The following KCND2 variants were observed in gnomAD, a reference collection of about 807,000 sequenced individuals.
KCND2 encodes A-type voltage-gated potassium channel KCND2.
A neutral mutation model predicts 54.4 loss-of-function variants in KCND2; 16 were observed. That is an observed-to-expected ratio of 0.29 (90% CI 0.20 to 0.45). The LOEUF (loss-of-function observed/expected upper bound fraction) is 0.45. Among genes scored for constraint, KCND2 ranks in the 20% least tolerant of loss-of-function variants. The probability of loss-of-function intolerance (pLI) is 1.00; values close to 1 mark genes in which losing one functional copy is unlikely to be tolerated. For synonymous variants in KCND2, 317 were observed against 310.7 expected, an observed-to-expected ratio of 1.02 and a Z score of -0.21; for missense variants, 486 against 824.2, an observed-to-expected ratio of 0.59 and a Z score of 5.02.
chr7:120,720,517 C>T (rs973961843), intron 1 of KCND2, among the ~76,000 whole-genome samples: 1 of 152,126 alleles, frequency 6.6e-6, no homozygotes, highest in Non-Finnish European at 1.5e-5. Context: ...GGCTTGTCAT[C>T]TGGTTTCCTG....
chr7:120,643,211 A>G (rs530828711), intron 1 of KCND2, among the ~76,000 whole-genome samples: 1 of 152,204 alleles, frequency 6.6e-6, no homozygotes, highest in Non-Finnish European at 1.5e-5. Flanking sequence ...GGAACTAAGA[A>G]TATTAACCAT....
At chr7:120,344,576 T>C (rs1800286994) in intron 1 of KCND2, among the ~76,000 whole-genome samples, 1 of 152,176 alleles carries the variant, frequency 6.6e-6, no homozygotes, top group South Asian at 2.1e-4. Flanking sequence ...GGTGCAATAG[T>C]ACCACATTAA....
chr7:120,671,196 T>C (rs114415441), intron 1 of KCND2, among the ~76,000 whole-genome samples: 5,468 of 152,140 alleles, frequency 0.036, 245 homozygotes, highest in African/African-American at 0.11. Flanking sequence ...CCAGCCTTTT[T>C]GTCACCAGGG....
At chr7:120,376,978 AC>A (rs967003863) in intron 1 of KCND2, among the ~76,000 whole-genome samples, 1 of 151,864 alleles carries the variant, frequency 6.6e-6, no homozygotes, top group Non-Finnish European at 1.5e-5. Context: ...TTAATGTTTC[AC>A]CTGAAGTTGA....
intron 1 of KCND2, among the ~76,000 whole-genome samples, chr7:120,281,789 C>T (rs141167840): frequency 4.6e-5 from 7 of 152,266 alleles, no homozygotes; most frequent in East Asian, 1.9e-4. Flanking sequence ...GGCACTTGTA[C>T]GCCATGGAGA....
At chr7:120,339,502 GCTGTGTGTGTGTGTGT>G (rs1563014779) in intron 1 of KCND2, among the ~76,000 whole-genome samples, 2 of 134,186 alleles carry the variant, frequency 1.5e-5, no homozygotes, top group African/African-American at 3.4e-5. Context: ...TCTTTAGAAG[GCTGTGTGTGTGTGTGT>G]GTGTGTGTGT....
chr7:120,684,546 G>A (rs1792177463), intron 1 of KCND2, among the ~76,000 whole-genome samples: 3 of 152,230 alleles, frequency 2.0e-5, no homozygotes, highest in South Asian at 2.1e-4. Flanking sequence ...GACCTTAAGC[G>A]TCTCTAGGTA....
chr7:120,497,545 C>T (rs1204933143), intron 1 of KCND2, among the ~76,000 whole-genome samples: 2 of 152,198 alleles, frequency 1.3e-5, no homozygotes, highest in African/African-American at 4.8e-5. Context: ...GCAAGTATAG[C>T]TCTGCTCCAT....
intron 5 of KCND2, among the ~76,000 whole-genome samples, chr7:120,746,309 T>C (rs1793006310): frequency 6.6e-6 from 1 of 152,158 alleles, no homozygotes; most frequent in Non-Finnish European, 1.5e-5. Context: ...CTTTTCTTAT[T>C]TGGGCAAGGA....
chr7:120,612,726 G>A (rs1792971831), intron 1 of KCND2, among the ~76,000 whole-genome samples: 1 of 152,132 alleles, frequency 6.6e-6, no homozygotes. Context: ...ACTTCTTATT[G>A]TGAACTTAAT....
At chr7:120,416,716 G>T (rs1461087470) in intron 1 of KCND2, among the ~76,000 whole-genome samples, 2 of 147,366 alleles carry the variant, frequency 1.4e-5, no homozygotes, top group African/African-American at 5.1e-5. Flanking sequence ...TGTTTATCAA[G>T]TACTTATCAT....
chr7:120,392,705 C>T (rs2116055865), intron 1 of KCND2, among the ~76,000 whole-genome samples: 1 of 151,978 alleles, frequency 6.6e-6, no homozygotes, highest in East Asian at 1.9e-4. Context: ...TTTTGCTAAT[C>T]CAGAACTGCT....
chr7:120,658,905 C>T (rs1791834949), intron 1 of KCND2, among the ~76,000 whole-genome samples: 1 of 152,218 alleles, frequency 6.6e-6, no homozygotes, highest in African/African-American at 2.4e-5. Flanking sequence ...ACCGGCAGAA[C>T]TGTGTTGAGT....
intron 1 of KCND2, among the ~76,000 whole-genome samples, chr7:120,409,594 G>T (rs770481692): frequency 6.6e-6 from 1 of 151,882 alleles, no homozygotes; most frequent in African/African-American, 2.4e-5. Context: ...TCTAAAGGAC[G>T]TGTAGTGATC....
chr7:120,528,598 A>G (rs1022980037), intron 1 of KCND2, among the ~76,000 whole-genome samples: 1 of 152,136 alleles, frequency 6.6e-6, no homozygotes, highest in South Asian at 2.1e-4. Flanking sequence ...CTTTTAGTAC[A>G]TGGGGCAGAA....
intron 1 of KCND2, among the ~76,000 whole-genome samples, chr7:120,542,620 A>C (rs1659578946): frequency 6.6e-6 from 1 of 152,090 alleles, no homozygotes; most frequent in Admixed American, 6.6e-5. Flanking sequence ...ATTCCCTTTT[A>C]TTATGAGATT....
At chr7:120,658,562 TCCA>T (rs1791830304) in intron 1 of KCND2, among the ~76,000 whole-genome samples, 1 of 152,172 alleles carries the variant, frequency 6.6e-6, no homozygotes, top group Non-Finnish European at 1.5e-5. Context: ...AGCTTTATTT[TCCA>T]CCATTACTGT....
chr7:120,378,377 G>A (rs1800865861), intron 1 of KCND2, among the ~76,000 whole-genome samples: 1 of 151,832 alleles, frequency 6.6e-6, no homozygotes. Flanking sequence ...TTTACACCAG[G>A]AATCACAAAG....
chr7:120,442,523 A>G (rs1300838428), intron 1 of KCND2, among the ~76,000 whole-genome samples: 1 of 152,128 alleles, frequency 6.6e-6, no homozygotes, highest in Non-Finnish European at 1.5e-5. Flanking sequence ...CTAAAAGTCA[A>G]CAGACTGAAA....
Sources: allele counts gnomAD v4.1 joint callset (sites outside exome capture counted in the v4.1 genomes callset), GRCh38; gene constraint gnomAD v4.1.1; transcripts MANE v1.5; gene names NCBI Gene and HGNC (gene_info 2026-07-23, HGNC 2026-07-21).